Variants in SLC8A1 observed in about 807,000 individuals in gnomAD.
The protein encoded by SLC8A1 is sodium/calcium exchanger 1.
Under a neutral mutation model 68.3 loss-of-function variants are expected in SLC8A1, and 18 were observed. That is an observed-to-expected ratio of 0.26 (90% CI 0.18 to 0.39). SLC8A1 has a LOEUF of 0.39. SLC8A1 is among the 10% of genes least tolerant of loss of function. SLC8A1 has a pLI of 1.00. For synonymous variants in SLC8A1, 475 were observed against 415.5 expected (o/e 1.14, Z -1.74); for missense variants, 985 against 1,156.7 (o/e 0.85, Z 2.15).
chr2:40,236,667 C>T (rs943166971), intron 2 of SLC8A1, among the ~76,000 whole-genome samples: 10 of 152,068 alleles, frequency 6.6e-5, no homozygotes, highest in East Asian at 5.8e-4. Context: ...TTATTTTGCT[C>T]GTTAGTTGAT....
At chr2:40,410,893 A>C (rs1019789400) in intron 2 of SLC8A1, among the ~76,000 whole-genome samples, 12 of 152,116 alleles carry the variant, frequency 7.9e-5, no homozygotes, top group African/African-American at 2.9e-4. Flanking sequence ...AGGAGTATAT[A>C]ACTAAATTAG....
rs1249532635 is a variant in SLC8A1 at position 40,277,514 on chromosome 2, T to C, written c.1809-99659A>G. ...GAGATACGACCACTGCCCTCCAGCC[T>C]GGGCAACAGAGTGAGACTCTGTCTC... is the stretch of plus-strand genomic sequence containing the variant. On this transcript the variant is annotated intron_variant, in intron 2 of 7. Transcript: ENST00000406785. Among the ~76,000 whole-genome samples, 3 of 151,962 alleles carry C rather than the reference T, an allele frequency of 2.0e-5. No individual in the cohort carries two copies. The East Asian group carries it at 5.8e-4, about 29-fold the overall frequency.
chr2:40,173,386 C>T (rs973886709), intron 4 of SLC8A1, among the ~76,000 whole-genome samples: 1 of 152,192 alleles, frequency 6.6e-6, no homozygotes, highest in Non-Finnish European at 1.5e-5. Flanking sequence ...TCAGATGAAT[C>T]AGATTTAAGA....
In SLC8A1 at chr2:40,253,150, C is replaced by CATATATATGTATATGTAT. The variant is rs1289357303; in HGVS notation, c.1809-75296_1809-75295insATACATATACATATATAT. Among the ~76,000 whole-genome samples, 19 of 102,192 alleles carry CATATATATGTATATGTAT rather than the reference C, an allele frequency of 1.9e-4. No homozygotes were observed. In the South Asian group the frequency reaches 2.0e-3, roughly 11 times the overall value. 67.0% of individuals were successfully genotyped at this position (102,192 alleles called of 152,430 possible). A position where few individuals can be genotyped will look rare whatever the true frequency, so the allele number is the denominator to read the frequency against. On this transcript the variant is annotated intron_variant, in intron 2 of 7. Coordinates refer to ENST00000406785, the Ensembl canonical transcript of SLC8A1. ...ACACGTATATATGTATATGTATATA[C>CATATATATGTATATGTAT]ATACATATATATGTATATACACACA...
intron 7 of SLC8A1, chr2:40,118,568 T>C (rs188932385): frequency 7.9e-4 from 106 of 134,394 alleles, no homozygotes; most frequent in African/African-American, 2.7e-3. Flanking sequence ...TAAAAGTTAA[T>C]AGAAACAGGG....
intron 1 of SLC8A1, among the ~76,000 whole-genome samples, chr2:40,432,246 T>C (rs1485421180): frequency 6.6e-6 from 1 of 151,898 alleles, no homozygotes; most frequent in Non-Finnish European, 1.5e-5. Flanking sequence ...TTCTAGATCC[T>C]GAGAATTCAC....
intron 2 of SLC8A1, among the ~76,000 whole-genome samples, chr2:40,330,323 C>T (rs1177589890): frequency 3.3e-5 from 5 of 152,136 alleles, no homozygotes; most frequent in African/African-American, 4.8e-5. Context: ...AAGGCCAGTC[C>T]TTCCTGCCAT....
chr2:40,483,895 CT>C (rs1313051806), intron 1 of SLC8A1, among the ~76,000 whole-genome samples: 1 of 152,120 alleles, frequency 6.6e-6, no homozygotes, highest in African/African-American at 2.4e-5. Flanking sequence ...CCCTGAATTG[CT>C]TATCTCCAGA....
intron 7 of SLC8A1, among the ~76,000 whole-genome samples, chr2:40,121,367 G>A (rs1169640958): frequency 1.3e-5 from 2 of 152,122 alleles, no homozygotes; most frequent in Non-Finnish European, 2.9e-5. Context: ...TGAGTTTCAG[G>A]GAAGCAGCTA....
chr2:40,476,057 C>G (rs1274826360), intron 1 of SLC8A1, among the ~76,000 whole-genome samples: 2 of 152,020 alleles, frequency 1.3e-5, no homozygotes, highest in Non-Finnish European at 2.9e-5. Context: ...TAAATGATGA[C>G]AAATAGCATC....
At chr2:40,169,357 G>A (rs957745495) in intron 4 of SLC8A1, among the ~76,000 whole-genome samples, 39 of 152,280 alleles carry the variant, frequency 2.6e-4, no homozygotes, top group African/African-American at 9.1e-4. Context: ...ATGCTGACAA[G>A]TCAGAAAGCA....
intron 1 of SLC8A1, among the ~76,000 whole-genome samples, chr2:40,445,204 G>A (rs1701224433): frequency 6.6e-6 from 1 of 152,106 alleles, no homozygotes; most frequent in South Asian, 2.1e-4. Context: ...TAAGTAATTA[G>A]CACAATGTCA....
At chr2:40,282,050 G>A (rs373831040) in intron 2 of SLC8A1, among the ~76,000 whole-genome samples, 4 of 152,216 alleles carry the variant, frequency 2.6e-5, no homozygotes, top group South Asian at 4.1e-4. Context: ...ACACAAGAGC[G>A]TACCTTTAAT....
chr2:40,322,260 C>A (rs1310068610), intron 2 of SLC8A1, among the ~76,000 whole-genome samples: 1 of 152,076 alleles, frequency 6.6e-6, no homozygotes, highest in Non-Finnish European at 1.5e-5. Flanking sequence ...AATTTATTAA[C>A]CTTTCTTTTT....
At chr2:40,310,868 T>C (rs2073546486) in intron 2 of SLC8A1, among the ~76,000 whole-genome samples, 2 of 152,148 alleles carry the variant, frequency 1.3e-5, no homozygotes, top group African/African-American at 4.8e-5. Context: ...CATACCCTTA[T>C]ACTATGTGAC....
chr2:40,170,425 A>G (rs914755533), intron 4 of SLC8A1, 76 bp from the exon 7 acceptor site: 5 of 1,264,544 alleles, frequency 4.0e-6, no homozygotes, highest in Non-Finnish European at 3.5e-6. Flanking sequence ...GGAATTAGTA[A>G]GCTAAACATC....
chr2:40,404,389 T>C (rs185027296), intron 2 of SLC8A1, among the ~76,000 whole-genome samples: 1 of 152,358 alleles, frequency 6.6e-6, no homozygotes, highest in Non-Finnish European at 1.5e-5. Context: ...AATGCAACAA[T>C]TTTGCTGATG....
At chr2:40,146,016 TA>T (rs2042402487) in intron 6 of SLC8A1, among the ~76,000 whole-genome samples, 4 of 152,190 alleles carry the variant, frequency 2.6e-5, no homozygotes, top group African/African-American at 9.7e-5. Flanking sequence ...CTCTATACCT[TA>T]ATTGGTGGGA....
chr2:40,304,375 A>G (rs1410020379), intron 2 of SLC8A1, among the ~76,000 whole-genome samples: 5 of 152,140 alleles, frequency 3.3e-5, no homozygotes, highest in Non-Finnish European at 7.4e-5. Context: ...CTCAAATCCA[A>G]GGCATTTCTG....
Sources: allele counts gnomAD v4.1 joint callset (sites outside exome capture counted in the v4.1 genomes callset), GRCh38; gene constraint gnomAD v4.1.1; transcripts MANE v1.5; gene names NCBI Gene and HGNC (gene_info 2026-07-23, HGNC 2026-07-21).